TCF7L1: variants seen among roughly 807,000 people sequenced by gnomAD.
The protein encoded by TCF7L1 is transcription factor 7-like 1.
Under a neutral mutation model 63.7 loss-of-function variants are expected in TCF7L1, and 18 were observed. That is an observed-to-expected ratio of 0.28 (90% CI 0.20 to 0.42). The LOEUF (loss-of-function observed/expected upper bound fraction) is 0.42, where lower values mean the gene tolerates loss of function less well. TCF7L1 is among the 10% of genes least tolerant of loss of function. The pLI is 1.00. For missense variants in TCF7L1, 654 were observed against 779.3 expected (o/e 0.84, Z 1.91); for synonymous variants, 355 against 340.9 (o/e 1.04, Z -0.46).
intron 3 of TCF7L1, chr2:85,262,385 C>A: frequency 2.6e-6 from 1 of 383,848 alleles, no homozygotes; most frequent in South Asian, 2.3e-5. Context: ...GACACCGTCT[C>A]TTAAAAGAAA....
At chr2:85,238,447 C>G (rs1680244503) in intron 3 of TCF7L1, among the ~76,000 whole-genome samples, 1 of 152,222 alleles carries the variant, frequency 6.6e-6, no homozygotes, top group Admixed American at 6.5e-5. Context: ...AGAGCAGCAT[C>G]TTATCCGGCA....
At chr2:85,160,978 G>A (rs554976924) in intron 3 of TCF7L1, among the ~76,000 whole-genome samples, 1 of 152,342 alleles carries the variant, frequency 6.6e-6, no homozygotes, top group African/African-American at 2.4e-5. Context: ...GTCTGTCCGT[G>A]TGGAGGAATG....
chr2:85,233,516 A>G (rs944878331), intron 3 of TCF7L1, among the ~76,000 whole-genome samples: 10 of 151,482 alleles, frequency 6.6e-5, no homozygotes, highest in African/African-American at 2.4e-4. Context: ...GGGTTTCACC[A>G]TGTTGGCCAG....
intron 3 of TCF7L1, among the ~76,000 whole-genome samples, chr2:85,260,475 A>G (rs563980794): frequency 1.3e-4 from 20 of 152,086 alleles, no homozygotes; most frequent in African/African-American, 4.8e-4. Flanking sequence ...CGTCTCTACA[A>G]TACAGGAAAA....
At chr2:85,197,670 T>C (rs113171294) in intron 3 of TCF7L1, among the ~76,000 whole-genome samples, 1,646 of 152,316 alleles carry the variant, frequency 0.011, 32 homozygotes, top group African/African-American at 0.037. Context: ...AAGACAACTG[T>C]CAATCGTCAC....
intron 4 of TCF7L1, among the ~76,000 whole-genome samples, chr2:85,292,876 C>A (rs923960985): frequency 2.6e-5 from 4 of 152,252 alleles, no homozygotes; most frequent in Admixed American, 2.6e-4. Context: ...CCACACCCAG[C>A]CCAAGTCAAC....
At chr2:85,288,332 C>G (rs1056633248) in intron 4 of TCF7L1, among the ~76,000 whole-genome samples, 3 of 151,986 alleles carry the variant, frequency 2.0e-5, no homozygotes, top group African/African-American at 7.3e-5. Context: ...CAGCCAGAGT[C>G]GAGGATCATT....
intron 3 of TCF7L1, among the ~76,000 whole-genome samples, chr2:85,215,067 A>G (rs942991533): frequency 2.6e-5 from 4 of 152,196 alleles, no homozygotes; most frequent in South Asian, 2.1e-4. Flanking sequence ...CCCTGAAACC[A>G]GAGTCTGTCC....
intron 3 of TCF7L1, among the ~76,000 whole-genome samples, chr2:85,279,025 C>T (rs923040251): frequency 6.6e-6 from 1 of 152,246 alleles, no homozygotes; most frequent in Admixed American, 6.5e-5. Flanking sequence ...AGCCCGTGTA[C>T]ACATCTTCGC....
intron 3 of TCF7L1, among the ~76,000 whole-genome samples, chr2:85,263,871 G>A (rs1680912635): frequency 6.6e-6 from 1 of 152,242 alleles, no homozygotes; most frequent in African/African-American, 2.4e-5. Flanking sequence ...GGAGTAAGTG[G>A]AAAACCAGCC....
At chr2:85,274,534 T>G (rs1681228983) in intron 3 of TCF7L1, among the ~76,000 whole-genome samples, 1 of 152,000 alleles carries the variant, frequency 6.6e-6, no homozygotes, top group African/African-American at 2.4e-5. Flanking sequence ...TCCCAGCAAG[T>G]CAGGACACAT....
At chr2:85,243,764 C>G (rs563650178) in intron 3 of TCF7L1, among the ~76,000 whole-genome samples, 1 of 152,256 alleles carries the variant, frequency 6.6e-6, no homozygotes, top group African/African-American at 2.4e-5. Context: ...CCATCCACTA[C>G]GTGCCAGGCA....
intron 3 of TCF7L1, among the ~76,000 whole-genome samples, chr2:85,199,097 T>A (rs981332250): frequency 6.6e-6 from 1 of 152,210 alleles, no homozygotes; most frequent in Non-Finnish European, 1.5e-5. Context: ...TCTCTGCCAG[T>A]GCCAAGATGC....
chr2:85,304,157 G>A (rs957980158), intron 6 of TCF7L1, 98 bp from the exon 7 acceptor site: 13 of 1,373,488 alleles, frequency 9.5e-6, no homozygotes, highest in African/African-American at 2.9e-5. Flanking sequence ...TTACCTTCCC[G>A]CTTCCTTCCC....
In TCF7L1 at chr2:85,309,419, T is replaced by C; in HGVS notation, c.1724T>C (p.Leu575Pro). The change falls in exon 12 of 12, where the codon CTA becomes CCA. Residue 575 changes from leucine (L) to proline (P), a missense_variant. Physicochemically the swap from Leu to Pro is moderately conservative, Grantham distance 98 (BLOSUM62 -3). Around this residue, in one of 3 missense-constraint regions of TCF7L1, gnomAD observed 184 missense variants for 204.0 expected, o/e 0.90. Coordinates refer to ENST00000282111, the MANE Select transcript of TCF7L1 (RefSeq NM_031283.3). The stretch of plus-strand genomic sequence containing the variant: ...CATGCCCACCAGGCCCTCCCGGTGC[T>C]ACAGGCCCAGCCTCTTTCCCTGGTC... Reference protein sequence around the residue: ...TLHAHQALPVLQAQPLSLVTK... With the variant: ...TLHAHQALPVPQAQPLSLVTK... The C allele has an allele frequency of 1.3e-6, 2 of 1,570,848 alleles. No homozygotes were observed. The highest frequency in any genetic ancestry group is 1.7e-6 in the Non-Finnish European group (2 of 1,158,362).
At chr2:85,222,741 G>A (rs1180599149) in intron 3 of TCF7L1, among the ~76,000 whole-genome samples, 1 of 150,652 alleles carries the variant, frequency 6.6e-6, no homozygotes, top group East Asian at 1.9e-4. Context: ...AATAGCAAAT[G>A]TATGGACCAT....
chr2:85,184,590 A>G lies in TCF7L1; in HGVS notation c.441+50140A>G, dbSNP rs1228695714. Among the ~76,000 whole-genome samples the G allele has an allele frequency of 2.0e-5, 3 of 152,102 alleles. No individual in the cohort carries two copies. The South Asian group carries it at 6.2e-4, about 32-fold the overall frequency. The stretch of plus-strand genomic sequence containing the variant: ...CCCAGCCCTTGGAGCATGCAGGTGG[A>G]AGGCCAGATTCCTCACCTGGAGAGC... On this transcript the variant is annotated intron_variant, in intron 3 of 11. Transcript: ENST00000282111.
At chr2:85,304,097 A>G (rs1682049365) in intron 6 of TCF7L1, 100 bp downstream of exon 6, 1 of 1,190,082 alleles carries the variant, frequency 8.4e-7, no homozygotes, top group Admixed American at 1.9e-5. Flanking sequence ...CTCAGAGGCA[A>G]GCCCAGGACT....
At chr2:85,294,831 G>A (rs895206326) in intron 4 of TCF7L1, among the ~76,000 whole-genome samples, 3 of 152,034 alleles carry the variant, frequency 2.0e-5, no homozygotes, top group Non-Finnish European at 2.9e-5. Flanking sequence ...TCAGGAGTTC[G>A]GGACCAGCCT....
Sources: allele counts gnomAD v4.1 joint callset (sites outside exome capture counted in the v4.1 genomes callset), GRCh38; gene constraint gnomAD v4.1.1; regional missense constraint gnomAD v4.1.1; transcripts MANE v1.5; gene names NCBI Gene and HGNC (gene_info 2026-07-23, HGNC 2026-07-21).